The following ATG10 variants were observed in gnomAD, a reference collection of about 807,000 sequenced individuals.
ATG10 encodes the protein autophagy related 10.
A neutral mutation model predicts 32.1 loss-of-function variants in ATG10; 30 were observed. That is an observed-to-expected ratio of 0.94 (90% CI 0.70 to 1.27). ATG10 has a LOEUF of 1.27. Ranked by LOEUF, ATG10 falls within the 50% of genes most tolerant of loss-of-function variation. The pLI, the probability that ATG10 is intolerant of heterozygous loss-of-function variation, is 0.00. For synonymous variants in ATG10, 87 were observed against 91.5 expected (o/e 0.95, Z 0.28); for missense variants, 233 against 262.3 (o/e 0.89, Z 0.77).
At chr5:82,034,180 G>T (rs961131368) in intron 2 of ATG10, among the ~76,000 whole-genome samples, 1 of 151,722 alleles carries the variant, frequency 6.6e-6, no homozygotes, top group African/African-American at 2.4e-5. Flanking sequence ...TTGAATGTCT[G>T]CCAGTCATCA....
chr5:82,107,311 AT>A (rs1187042606), intron 3 of ATG10, among the ~76,000 whole-genome samples: 1 of 152,114 alleles, frequency 6.6e-6, no homozygotes, highest in Non-Finnish European at 1.5e-5. Context: ...CTGTAAACAA[AT>A]TTCATAGACA....
intron 2 of ATG10, among the ~76,000 whole-genome samples, chr5:82,054,896 T>A (rs566625710): frequency 5.3e-5 from 8 of 152,166 alleles, no homozygotes; most frequent in African/African-American, 1.9e-4. Context: ...AATGTTCAAG[T>A]GTAAGCTATG....
chr5:81,973,428 A>C (rs1760784182), intron 1 of ATG10: 1 of 152,318 alleles, frequency 6.6e-6, no homozygotes, highest in African/African-American at 2.4e-5. Context: ...GCGCCCGGCC[A>C]ATATTAACCA....
chr5:82,042,693 CA>C (rs1415426510), intron 2 of ATG10, among the ~76,000 whole-genome samples: 1 of 152,152 alleles, frequency 6.6e-6, no homozygotes, highest in East Asian at 1.9e-4. Context: ...TTGGCCAAAA[CA>C]AAGGGGCTAC....
At chr5:82,030,640 A>AT (rs1762718681) in intron 2 of ATG10, among the ~76,000 whole-genome samples, 1 of 152,340 alleles carries the variant, frequency 6.6e-6, no homozygotes, top group East Asian at 1.9e-4. Flanking sequence ...TTTGGTGATC[A>AT]TTAGTTGCTG....
intron 3 of ATG10, among the ~76,000 whole-genome samples, chr5:82,109,950 T>TCCCCCCCC (rs5869105): frequency 4.8e-5 from 7 of 145,398 alleles, no homozygotes; most frequent in Admixed American, 1.4e-4. Context: ...CTATCCCCCA[T>TCCCCCCCC]CCCCCCACCC....
At chr5:82,235,604 C>T (rs1467138858) in intron 5 of ATG10, among the ~76,000 whole-genome samples, 3 of 152,164 alleles carry the variant, frequency 2.0e-5, no homozygotes, top group African/African-American at 4.8e-5. Flanking sequence ...AGGTGAGGGC[C>T]GAATAAACAT....
intron 3 of ATG10, among the ~76,000 whole-genome samples, chr5:82,080,662 C>G (rs1764446679): frequency 6.6e-6 from 1 of 152,162 alleles, no homozygotes; most frequent in Non-Finnish European, 1.5e-5. Context: ...TGTCAAAGAT[C>G]AGATGGTTGT....
intron 2 of ATG10, among the ~76,000 whole-genome samples, chr5:82,003,234 T>C (rs568459454): frequency 1.3e-5 from 2 of 152,354 alleles, no homozygotes; most frequent in Admixed American, 1.3e-4. Context: ...TAAAGTACCG[T>C]AATATTAATC....
chr5:82,150,116 TC>T (rs1767531134), intron 3 of ATG10, among the ~76,000 whole-genome samples: 1 of 152,100 alleles, frequency 6.6e-6, no homozygotes, highest in Non-Finnish European at 1.5e-5. Flanking sequence ...TCTAAAAACA[TC>T]TGCTCAGTAG....
At chr5:82,160,009 A>T (rs1040041906) in intron 3 of ATG10, among the ~76,000 whole-genome samples, 4 of 152,072 alleles carry the variant, frequency 2.6e-5, no homozygotes, top group African/African-American at 9.7e-5. Flanking sequence ...TAATCCACTG[A>T]CCTTATTCAG....
At chr5:82,194,072 C>T (rs1350487709) in intron 5 of ATG10, among the ~76,000 whole-genome samples, 1 of 152,144 alleles carries the variant, frequency 6.6e-6, no homozygotes, top group Non-Finnish European at 1.5e-5. Context: ...ATTTCTTGTA[C>T]TCCTGTCTCA....
intron 5 of ATG10, among the ~76,000 whole-genome samples, chr5:82,201,955 A>G (rs1745085336): frequency 6.6e-6 from 1 of 152,242 alleles, no homozygotes; most frequent in Non-Finnish European, 1.5e-5. Flanking sequence ...ATATAGAAAT[A>G]CAATTAATTT....
intron 2 of ATG10, among the ~76,000 whole-genome samples, chr5:82,013,150 A>G (rs1021457915): frequency 1.3e-5 from 2 of 151,868 alleles, no homozygotes; most frequent in Non-Finnish European, 2.9e-5. Flanking sequence ...TTTAGTAAAG[A>G]CGGGTTTTCA....
At chr5:82,208,196 A>G (rs1195886066) in intron 5 of ATG10, among the ~76,000 whole-genome samples, 1 of 151,638 alleles carries the variant, frequency 6.6e-6, no homozygotes. Context: ...ATACCATACT[A>G]TTTTTATTAC....
chr5:82,072,808 G>A (rs535005161), intron 3 of ATG10, among the ~76,000 whole-genome samples: 37 of 152,178 alleles, frequency 2.4e-4, no homozygotes, highest in African/African-American at 7.2e-4. Context: ...AATAATAAAC[G>A]AATGTTTCAG....
chr5:81,980,269 A>G (rs1430601883), intron 1 of ATG10, among the ~76,000 whole-genome samples: 1 of 152,068 alleles, frequency 6.6e-6, no homozygotes, highest in African/African-American at 2.4e-5. Context: ...TGATTTCCAT[A>G]TTCCTAGTGT....
chr5:82,219,667 A>G (rs1745840134), intron 5 of ATG10, among the ~76,000 whole-genome samples: 1 of 152,170 alleles, frequency 6.6e-6, no homozygotes, highest in East Asian at 1.9e-4. Context: ...CAACACCTTC[A>G]CATCCATTAG....
chr5:82,166,193 C>T (rs1304630840), intron 4 of ATG10, among the ~76,000 whole-genome samples: 1 of 152,138 alleles, frequency 6.6e-6, no homozygotes, highest in Non-Finnish European at 1.5e-5. Context: ...GTGATCCTTT[C>T]TTCACGATTT....
Sources: gnomAD v4.1 joint callset for allele counts (sites outside exome capture counted in the v4.1 genomes callset) on GRCh38, gnomAD v4.1.1 for gene constraint, MANE v1.5 for transcripts, NCBI Gene and HGNC (gene_info 2026-07-23, HGNC 2026-07-21) for gene names.